Variants in SEC24B observed in about 807,000 individuals in gnomAD.
SEC24B encodes the protein SEC24 homolog B, COPII component.
Under a neutral mutation model 142.8 loss-of-function variants are expected in SEC24B, and 45 were observed. That is an observed-to-expected ratio of 0.32 (90% CI 0.25 to 0.40). The LOEUF is 0.40. Among genes scored for constraint, SEC24B ranks in the 10% least tolerant of loss-of-function variants. The pLI, the probability that SEC24B is intolerant of heterozygous loss-of-function variation, is 1.00. For missense variants in SEC24B, 1,409 were observed against 1,526.8 expected (o/e 0.92, Z 1.29); for synonymous variants, 574 against 568.2 (o/e 1.01, Z -0.15).
At chr4:109,520,265 A>G (rs890764205) in intron 11 of SEC24B, 101 bp from the exon 12 acceptor site, 46 of 725,294 alleles carry the variant, frequency 6.3e-5, no homozygotes, top group Non-Finnish European at 1.0e-4. Flanking sequence ...AGAAAAGCAT[A>G]TGTGTAATTA....
rs563515776 is a variant in SEC24B at position 109,516,613 on chromosome 4, G to C, written c.2099G>C (p.Cys700Ser). 2.5e-6 allele frequency: 4 copies of C among 1,609,530 alleles called. No individual in the cohort carries two copies. Among genetic ancestry groups the C allele is most frequent in the East Asian group, 4.5e-5 (2 of 44,758 alleles). ...AVEAGYLTIL[C>S]QSLLENLDKL... is the part of the protein sequence containing the mutation. ...GAAGCTGGATATTTGACAATTTTGTGCCAGTCACTCCTAGAAAATCTAGAC... is the reference window on the plus strand; with the variant it reads ...GAAGCTGGATATTTGACAATTTTGTCCCAGTCACTCCTAGAAAATCTAGAC... Residue 700 changes from cysteine (C) to serine (S), a missense_variant, in exon 11 of 24, where the codon TGC becomes TCC. By Grantham distance (112) the Cys-to-Ser change is moderately radical. Around this residue, in one of 2 missense-constraint regions of SEC24B, gnomAD observed 700 missense variants for 853.3 expected, o/e 0.82. Transcript: ENST00000265175.
rs747054089 is a variant in SEC24B, at chr4:109,530,308, A to G, written c.3096A>G (p.Ser1032=). The part of the protein sequence containing the change: ...LANMAVDRSV[S]SSLSDARDAL... ...TTTTAGCTGTGGATCGGTCCGTTTCATCAAGTCTGTCAGATGCAAGAGATG... is the reference window on the plus strand; with the variant it reads ...TTTTAGCTGTGGATCGGTCCGTTTCGTCAAGTCTGTCAGATGCAAGAGATG... Residue 1032 remains serine, a synonymous_variant, in exon 19 of 24, where the codon TCA becomes TCG. Transcript: ENST00000265175. The G allele has an allele frequency of 1.2e-6, 2 of 1,613,470 alleles. No individual in the cohort carries two copies. Among genetic ancestry groups the G allele is most frequent in the Non-Finnish European group, 1.7e-6 (2 of 1,179,684 alleles).
intron 5 of SEC24B, 85 bp downstream of exon 5, chr4:109,491,492 A>G: frequency 1.1e-6 from 1 of 947,480 alleles, no homozygotes; most frequent in South Asian, 1.5e-5. Context: ...TATTACACAT[A>G]ATAGCAGGCT....
At chr4:109,486,282 C>A (rs759512854) in intron 4 of SEC24B, among the ~76,000 whole-genome samples, 1 of 152,108 alleles carries the variant, frequency 6.6e-6, no homozygotes, top group Non-Finnish European at 1.5e-5. Context: ...TGAGTTATAG[C>A]CTTTTCATGT....
intron 2 of SEC24B, among the ~76,000 whole-genome samples, chr4:109,464,998 T>C (rs1262445240): frequency 6.6e-6 from 1 of 152,222 alleles, no homozygotes; most frequent in Admixed American, 6.5e-5. Context: ...AACAAGATAC[T>C]TCTGTACCTA....
chr4:109,469,652 G>C (rs1307075147), intron 2 of SEC24B, among the ~76,000 whole-genome samples: 1 of 152,108 alleles, frequency 6.6e-6, no homozygotes, highest in Non-Finnish European at 1.5e-5. Flanking sequence ...ATTAATTGCA[G>C]GTGAAGTAAA....
intron 7 of SEC24B, among the ~76,000 whole-genome samples, chr4:109,509,146 A>T (rs183141982): frequency 6.6e-6 from 1 of 152,288 alleles, no homozygotes; most frequent in African/African-American, 2.4e-5. Context: ...AGTAAGCCAC[A>T]TGACTTCTCT....
At chr4:109,527,645 G>T (rs1013986949) in intron 18 of SEC24B, among the ~76,000 whole-genome samples, 1 of 151,928 alleles carries the variant, frequency 6.6e-6, no homozygotes, top group South Asian at 2.1e-4. Context: ...GGTGGCAGGC[G>T]CCTGTAATCG....
intron 21 of SEC24B, among the ~76,000 whole-genome samples, chr4:109,533,191 G>A (rs577093594): frequency 2.0e-5 from 3 of 152,246 alleles, no homozygotes; most frequent in South Asian, 4.1e-4. Context: ...GTTGAAGGGA[G>A]TTAGAATGGT....
At chr4:109,474,467 C>T (rs533179713) in intron 3 of SEC24B, among the ~76,000 whole-genome samples, 10 of 151,254 alleles carry the variant, frequency 6.6e-5, no homozygotes, top group East Asian at 1.9e-4. Context: ...CTCTGTCACC[C>T]GGGGTTGAGT....
chr4:109,473,163 C>T lies in SEC24B; in HGVS notation c.1037C>T (p.Pro346Leu). The T allele has an allele frequency of 6.3e-7, 1 of 1,578,236 alleles. No individual in the cohort carries two copies. The highest frequency in any genetic ancestry group is 8.6e-7 in the Non-Finnish European group (1 of 1,162,596). Residue 346 changes from proline (P) to leucine (L), a missense_variant, in exon 3 of 24, where the codon CCA (proline) becomes CTA (leucine). Coordinates refer to ENST00000265175, the MANE Select transcript of SEC24B (RefSeq NM_006323.5). ...PVEPVTSVTQPSELLQQKGVQ... is the reference protein window; with the variant it reads ...PVEPVTSVTQLSELLQQKGVQ... ...GAGCCTGTGACCTCAGTTACACAGC[C>T]ATCAGAGCTATTACAACAAAAAGGT...
intron 14 of SEC24B, among the ~76,000 whole-genome samples, chr4:109,523,205 C>T (rs1472965102): frequency 2.0e-5 from 3 of 152,138 alleles, no homozygotes; most frequent in African/African-American, 7.2e-5. Flanking sequence ...TGCAGTGGCT[C>T]ACACCTATAA....
chr4:109,492,037 A>G (rs1401593500), intron 5 of SEC24B, among the ~76,000 whole-genome samples: 2 of 151,946 alleles, frequency 1.3e-5, no homozygotes, highest in Non-Finnish European at 2.9e-5. Flanking sequence ...CTCTTTTCCT[A>G]ATGATTCCAA....
chr4:109,518,495 G>A (rs1375286844), intron 11 of SEC24B, among the ~76,000 whole-genome samples: 1 of 152,128 alleles, frequency 6.6e-6, no homozygotes, highest in African/African-American at 2.4e-5. Context: ...TCTTTCATTT[G>A]AGCTTGAAGA....
intron 14 of SEC24B, among the ~76,000 whole-genome samples, chr4:109,524,244 A>G (rs975989668): frequency 2.6e-5 from 4 of 152,124 alleles, no homozygotes; most frequent in South Asian, 2.1e-4. Context: ...TTAATTCCTT[A>G]TATTAGAGTA....
Position 109,463,153 on chromosome 4 carries a change from C to A in SEC24B, c.386C>A (p.Ser129Tyr). ...RGPPAPHIVGSTLGSFQGAAS... is the reference protein window; with the variant it reads ...RGPPAPHIVGYTLGSFQGAAS... Reference sequence around the variant, plus strand: ...CCTCCTGCCCCTCATATTGTGGGATCCACTCTAGGATCTTTCCAAGGTGCT... The same window carrying A: ...CCTCCTGCCCCTCATATTGTGGGATACACTCTAGGATCTTTCCAAGGTGCT... The change falls in exon 2 of 24, where the codon TCC becomes TAC. Residue 129 changes from serine (S) to tyrosine (Y), a missense_variant. This residue lies in a region of SEC24B where 709 missense variants were observed against 673.5 expected (regional missense o/e 1.05). Transcript: ENST00000265175. 1 of 1,614,104 alleles carries A rather than the reference C, an allele frequency of 6.2e-7. No individual in the cohort carries two copies. The highest frequency in any genetic ancestry group is 8.5e-7 in the Non-Finnish European group (1 of 1,180,006).
chr4:109,525,875 T>TCCTTTATTTTA (rs945923286), intron 16 of SEC24B, among the ~76,000 whole-genome samples: 4 of 152,132 alleles, frequency 2.6e-5, no homozygotes, highest in Non-Finnish European at 5.9e-5. Flanking sequence ...TTTGTTTTAA[T>TCCTTTATTTTA]CCTTTATTTT....
At chr4:109,530,218 TAAATTTTCTCTCTTATAGTGCCCATTGG>T in intron 18 of SEC24B, 43 bp from the exon 19 acceptor site, 1 of 1,343,592 alleles carries the variant, frequency 7.4e-7, no homozygotes, top group South Asian at 1.8e-5. Flanking sequence ...ATAATGCGTA[TAAATTTTCTCTCTTATAGTGCCCATTGG>T]ATTCTAATGG....
In SEC24B at chr4:109,481,729, C is replaced by T; in HGVS notation, c.1113C>T (p.Pro371=). The change falls in exon 4 of 24, where the codon CCC becomes CCT. Residue 371 remains proline, a synonymous_variant. Transcript: ENST00000265175. ...ACCAAGCTAGCTCCGCACCAACTCC[C>T]TTGTCATCAACTTCCGATGATGAGG... ...VNNQASSAPT[P]LSSTSDDEEE... 6.2e-7 allele frequency: 1 copy of T among 1,613,866 alleles called. No homozygotes were observed. Among genetic ancestry groups the T allele is most frequent in the Non-Finnish European group, 8.5e-7 (1 of 1,179,800 alleles).
Sources: allele counts gnomAD v4.1 joint callset (sites outside exome capture counted in the v4.1 genomes callset), GRCh38; gene constraint gnomAD v4.1.1; regional missense constraint gnomAD v4.1.1; transcripts MANE v1.5; gene names NCBI Gene and HGNC (gene_info 2026-07-23, HGNC 2026-07-21).